SDK1: variants seen among roughly 807,000 people sequenced by gnomAD.
SDK1 encodes protein sidekick-1.
In SDK1, 157 loss-of-function variants were observed where a neutral mutation model predicts 245.5. That is an observed-to-expected ratio of 0.64 (90% CI 0.56 to 0.73). The LOEUF (loss-of-function observed/expected upper bound fraction) is 0.73. SDK1 is among the 30% of genes least tolerant of loss of function. The pLI is 0.00. For missense variants in SDK1, 3,583 were observed against 3,002.3 expected (o/e 1.19, Z -4.52); for synonymous variants, 1,647 against 1,278.5 (o/e 1.29, Z -6.15).
intron 5 of SDK1, among the ~76,000 whole-genome samples, chr7:3,920,252 C>G (rs1243896345): frequency 6.6e-6 from 1 of 152,044 alleles, no homozygotes; most frequent in African/African-American, 2.4e-5. Context: ...AAGATCTTAG[C>G]CTAGGGGTGT....
chr7:3,813,853 T>A (rs1275084988), intron 4 of SDK1, among the ~76,000 whole-genome samples: 1 of 124,754 alleles, frequency 8.0e-6, no homozygotes, highest in African/African-American at 3.4e-5. Flanking sequence ...TGCATTTCTC[T>A]GATGGCCAGT....
intron 1 of SDK1, among the ~76,000 whole-genome samples, chr7:3,563,031 T>C (rs1223148304): frequency 6.6e-6 from 1 of 152,146 alleles, no homozygotes; most frequent in Non-Finnish European, 1.5e-5. Context: ...GCTAAACTTC[T>C]AGATGTTACC....
At chr7:3,647,304 C>CA (rs1053927416) in intron 4 of SDK1, among the ~76,000 whole-genome samples, 39 of 151,746 alleles carry the variant, frequency 2.6e-4, no homozygotes, top group South Asian at 6.2e-4. Flanking sequence ...TTTTCCAAAA[C>CA]AAAAAATAAC....
At chr7:3,578,363 C>A (rs952357152) in intron 1 of SDK1, among the ~76,000 whole-genome samples, 1 of 152,026 alleles carries the variant, frequency 6.6e-6, no homozygotes, top group Non-Finnish European at 1.5e-5. Context: ...ACTAAGATCA[C>A]GTGCTTCTGC....
Position 4,049,400 on chromosome 7 carries a change from C to T in SDK1, c.2655C>T (p.Thr885=). 3.1e-6 allele frequency: 5 copies of T among 1,614,182 alleles called. No individual in the cohort carries two copies. The highest frequency in any genetic ancestry group is 3.4e-6 in the Non-Finnish European group (4 of 1,180,024). Reference sequence around the variant, plus strand: ...AGACGGAAGCCGTGAACTCCACCACCATTCAGTTCCTGTGGAACCCTCCGC... The same window carrying T: ...AGACGGAAGCCGTGAACTCCACCACTATTCAGTTCCTGTGGAACCCTCCGC... The part of the protein sequence containing the change: ...NVQTEAVNST[T]IQFLWNPPPQ... The change falls in exon 18 of 45, where the codon ACC becomes ACT. Residue 885 remains threonine (T), a synonymous_variant. Transcript: ENST00000404826.
intron 1 of SDK1, among the ~76,000 whole-genome samples, chr7:3,449,238 A>C (rs958253765): frequency 7.9e-5 from 12 of 152,166 alleles, no homozygotes; most frequent in African/African-American, 2.7e-4. Flanking sequence ...TCTGAAGGCA[A>C]ATTGCCGATT....
intron 40 of SDK1, among the ~76,000 whole-genome samples, chr7:4,228,350 A>G (rs1269831361): frequency 6.6e-6 from 1 of 152,206 alleles, no homozygotes; most frequent in Admixed American, 6.5e-5. Flanking sequence ...TCACATCACC[A>G]TGAGGGCACC....
chr7:4,034,143 T>C (rs1033940551), intron 17 of SDK1, among the ~76,000 whole-genome samples: 4 of 151,956 alleles, frequency 2.6e-5, no homozygotes, highest in African/African-American at 9.7e-5. Context: ...AAAAGAAACA[T>C]CAGATGGACT....
chr7:3,644,167 G>T (rs1170494436), intron 4 of SDK1, among the ~76,000 whole-genome samples: 1 of 150,602 alleles, frequency 6.6e-6, no homozygotes, highest in Non-Finnish European at 1.5e-5. Flanking sequence ...CTCCCAAAGT[G>T]CTGGGATTAC....
intron 4 of SDK1, among the ~76,000 whole-genome samples, chr7:3,655,084 A>G (rs944573567): frequency 1.4e-5 from 2 of 147,732 alleles, no homozygotes; most frequent in African/African-American, 2.5e-5. Flanking sequence ...CTGTACCCAC[A>G]TTATATTTTG....
intron 4 of SDK1, among the ~76,000 whole-genome samples, chr7:3,698,343 G>A (rs1165465071): frequency 1.3e-5 from 2 of 152,172 alleles, no homozygotes; most frequent in East Asian, 1.9e-4. Context: ...GTGGTCACGC[G>A]TTCCCTCTCA....
chr7:3,913,431 C>T (rs1256311333), intron 5 of SDK1, among the ~76,000 whole-genome samples: 5 of 151,928 alleles, frequency 3.3e-5, no homozygotes, highest in Admixed American at 2.0e-4. Context: ...GTAGCTGGGA[C>T]TACAGGCGCT....
At chr7:4,113,532 G>T in intron 24 of SDK1, 93 bp downstream of exon 24, 5 of 1,416,526 alleles carry the variant, frequency 3.5e-6, no homozygotes, top group Non-Finnish European at 4.8e-6. Flanking sequence ...TCTTAGTCAC[G>T]CCTTTGTCCT....
At chr7:3,453,609 C>T (rs1780585409) in intron 1 of SDK1, among the ~76,000 whole-genome samples, 1 of 152,156 alleles carries the variant, frequency 6.6e-6, no homozygotes, top group Non-Finnish European at 1.5e-5. Flanking sequence ...CAGCTGCCTA[C>T]TGTAAGAGGC....
At chr7:3,995,440 C>G (rs1230135482) in intron 14 of SDK1, among the ~76,000 whole-genome samples, 1 of 151,916 alleles carries the variant, frequency 6.6e-6, no homozygotes, top group African/African-American at 2.4e-5. Flanking sequence ...TCTTCCTCTA[C>G]TTGCGTTGTC....
intron 1 of SDK1, among the ~76,000 whole-genome samples, chr7:3,459,559 G>T (rs1374658161): frequency 6.6e-6 from 1 of 152,188 alleles, no homozygotes; most frequent in Non-Finnish European, 1.5e-5. Context: ...GTTTCAAGAA[G>T]GAAGTGGGGA....
chr7:3,932,974 CAA>C (rs150310859), intron 5 of SDK1, among the ~76,000 whole-genome samples: 6,470 of 152,154 alleles, frequency 0.043, 479 homozygotes, highest in African/African-American at 0.15. Context: ...AGTGAATCCC[CAA>C]AGAGGCTGAG....
intron 4 of SDK1, among the ~76,000 whole-genome samples, chr7:3,816,508 C>T (rs1488383911): frequency 2.6e-5 from 4 of 151,204 alleles, no homozygotes; most frequent in African/African-American, 9.8e-5. Context: ...GAAATGGATA[C>T]ATTCCTTGAC....
intron 1 of SDK1, among the ~76,000 whole-genome samples, chr7:3,390,709 G>C (rs768990331): frequency 2.1e-4 from 32 of 152,168 alleles, no homozygotes; most frequent in Non-Finnish European, 3.8e-4. Context: ...ATAATGCCAA[G>C]TATTGTTGGA....
Sources: allele counts gnomAD v4.1 joint callset (sites outside exome capture counted in the v4.1 genomes callset), GRCh38; gene constraint gnomAD v4.1.1; transcripts MANE v1.5; gene names NCBI Gene and HGNC (gene_info 2026-07-23, HGNC 2026-07-21).